AP1G1: variants seen among roughly 807,000 people sequenced by gnomAD.
The protein encoded by AP1G1 is AP-1 complex subunit gamma-1.
AP1G1 carries 7 observed loss-of-function variants against 108.3 expected under a neutral mutation model. That is an observed-to-expected ratio of 0.06 (90% CI 0.04 to 0.12). The LOEUF is 0.12. Ranked by LOEUF, AP1G1 falls within the 10% of genes least tolerant of loss-of-function variation. AP1G1 has a pLI of 1.00. For missense variants in AP1G1, 756 were observed against 1,010.7 expected, an observed-to-expected ratio of 0.75 and a Z score of 3.42; for synonymous variants, 379 against 353.5, an observed-to-expected ratio of 1.07 and a Z score of -0.81.
chr16:71,798,814 G>A (rs1034969020), intron 1 of AP1G1, among the ~76,000 whole-genome samples: 3 of 151,252 alleles, frequency 2.0e-5, no homozygotes, highest in African/African-American at 7.3e-5. Flanking sequence ...CTTGAACCCA[G>A]GAGGCAGAGG....
intron 1 of AP1G1, chr16:71,808,177 G>T: frequency 9.0e-7 from 1 of 1,105,536 alleles, no homozygotes; most frequent in Non-Finnish European, 1.1e-6. Context: ...CAGTATACTC[G>T]CAGGTAGGTT....
In AP1G1 at chr16:71,736,113, AAAAAAT is replaced by A. The variant is rs1261071705; in HGVS notation, c.2269-1412_2269-1407del. ...GACTCCATCTCAAAAAAAAAAAAAAAAAAAATATATATATATATATATATATATATA... is the reference window on the plus strand; with the variant it reads ...GACTCCATCTCAAAAAAAAAAAAAAAATATATATATATATATATATATATA... On this transcript the variant is annotated intron_variant, in intron 21 of 22. Transcript: ENST00000299980. Among the ~76,000 whole-genome samples, 543 of 75,388 alleles carry A rather than the reference AAAAAAT, an allele frequency of 7.2e-3. 1 individual carries two copies. Among genetic ancestry groups the A allele is most frequent in the Middle Eastern group, 0.022 (3 of 136 alleles). The allele number at this position is 75,388 out of a possible 152,430, so 49.5% of individuals were successfully genotyped here.
At chr16:71,735,373 G>C (rs1567638271) in intron 21 of AP1G1, among the ~76,000 whole-genome samples, 1 of 152,180 alleles carries the variant, frequency 6.6e-6, no homozygotes, top group South Asian at 2.1e-4. Flanking sequence ...AATAAGAGTT[G>C]AAAGTGCTGG....
chr16:71,756,904 C>A (rs1451211530), intron 11 of AP1G1, among the ~76,000 whole-genome samples: 1 of 144,788 alleles, frequency 6.9e-6, no homozygotes. Flanking sequence ...GCACTCCAGC[C>A]TCGGAAACAG....
chr16:71,777,222 G>C (rs1415428037), intron 2 of AP1G1, among the ~76,000 whole-genome samples: 3 of 151,564 alleles, frequency 2.0e-5, no homozygotes, highest in African/African-American at 7.3e-5. Flanking sequence ...CTTAGAGGAG[G>C]GGATCTGAGG....
chr16:71,781,823 A>C (rs1390845632), intron 2 of AP1G1, among the ~76,000 whole-genome samples: 3 of 152,198 alleles, frequency 2.0e-5, no homozygotes, highest in African/African-American at 7.2e-5. Flanking sequence ...TGTATACTGG[A>C]AAATTTATCT....
intron 1 of AP1G1, among the ~76,000 whole-genome samples, chr16:71,803,094 A>C (rs564485304): frequency 8.6e-5 from 13 of 151,896 alleles, no homozygotes; most frequent in Non-Finnish European, 1.6e-4. Context: ...GCACGCCTGC[A>C]GTCCCAGCTA....
At chr16:71,790,754 A>G (rs1478046969) in intron 1 of AP1G1, among the ~76,000 whole-genome samples, 1 of 152,226 alleles carries the variant, frequency 6.6e-6, no homozygotes. Context: ...TCACAAACCT[A>G]AAAGTCAAAG....
At chr16:71,756,327 T>G in intron 11 of AP1G1, 168 bp from the exon 12 acceptor site, 1 of 511,510 alleles carries the variant, frequency 2.0e-6, no homozygotes, top group Non-Finnish European at 3.3e-6. Flanking sequence ...GATGTATTCT[T>G]ACATAATCAA....
intron 12 of AP1G1, among the ~76,000 whole-genome samples, chr16:71,754,241 A>C (rs1192956535): frequency 4.0e-5 from 6 of 151,492 alleles, no homozygotes; most frequent in Admixed American, 2.0e-4. Flanking sequence ...AAAGGGAAGA[A>C]AGAGAAGAGA....
At chr16:71,792,305 T>C (rs2032434044) in intron 1 of AP1G1, among the ~76,000 whole-genome samples, 1 of 152,168 alleles carries the variant, frequency 6.6e-6, no homozygotes, top group South Asian at 2.1e-4. Flanking sequence ...ATGTCCCTTT[T>C]GGCATTCTAA....
Position 71,764,578 on chromosome 16 carries a change from T to G in AP1G1, c.819+68A>C, listed in dbSNP as rs1597058918. The stretch of plus-strand genomic sequence containing the variant: ...AAACACAAATAAAAACTGCTCCATA[T>G]AACCATAATCATTCTACTCCCAGCG... On this transcript the variant is annotated intron_variant, in intron 8 of 22. Transcript: ENST00000299980. 7.4e-6 allele frequency: 10 copies of G among 1,351,686 alleles called. No individual in the cohort carries two copies. In the East Asian group the frequency reaches 1.5e-4, roughly 20 times the overall value. The allele number at this position is 1,351,686 out of a possible 1,614,324, so 83.7% of individuals were successfully genotyped here.
chr16:71,805,530 T>C (rs2032969666), intron 1 of AP1G1, among the ~76,000 whole-genome samples: 1 of 152,160 alleles, frequency 6.6e-6, no homozygotes, highest in African/African-American at 2.4e-5. Context: ...ACAGTATTTT[T>C]AAATGTTCTG....
intron 1 of AP1G1, among the ~76,000 whole-genome samples, chr16:71,791,324 GTTTAT>G (rs951243232): frequency 7.3e-5 from 11 of 151,498 alleles, no homozygotes; most frequent in African/African-American, 2.2e-4. Flanking sequence ...ACTTTAAAGA[GTTTAT>G]TTTAAAGTAA....
intron 15 of AP1G1, 52 bp from the exon 16 acceptor site, chr16:71,748,430 G>T: frequency 6.3e-7 from 1 of 1,585,006 alleles, no homozygotes; most frequent in East Asian, 2.2e-5. Context: ...GCATGATTAA[G>T]CATCTAAATC....
intron 17 of AP1G1, 147 bp from the exon 18 acceptor site, chr16:71,745,761 A>G (rs2030140519): frequency 2.7e-6 from 2 of 744,904 alleles, no homozygotes; most frequent in Admixed American, 2.5e-5. Flanking sequence ...GGTAGATTAC[A>G]AGAATACATG....
At position 71,745,562 on chromosome 16, in the gene AP1G1, G is replaced by A; in HGVS notation, c.1783C>T (p.Pro595Ser). 1 of 1,614,126 alleles carries A rather than the reference G, an allele frequency of 6.2e-7. No individual in the cohort carries two copies. Among genetic ancestry groups the A allele is most frequent in the Non-Finnish European group, 8.5e-7 (1 of 1,180,014 alleles). The change falls in exon 18 of 23, where the codon CCT becomes TCT. Residue 595 changes from proline (P) to serine (S), a missense_variant. Pro to Ser is a moderately conservative substitution (Grantham distance 74). Coordinates refer to ENST00000299980, the MANE Select transcript of AP1G1 (RefSeq NM_001128.6). ...PVMEKVTTNG[P>S]TEIVQTNGET... ...CCATTTGTCTGCACAATCTCAGTAG[G>A]GCCATTTGTGGTCACTTTTTCCATG...
In AP1G1 at chr16:71,771,252, C is replaced by T; in HGVS notation, c.469G>A (p.Ala157Thr). Residue 157 changes from alanine to threonine, a missense_variant and splice_region_variant, in exon 5 of 23, where the codon GCA (alanine) becomes ACA (threonine). Ala to Thr is a moderately conservative substitution (Grantham distance 58). Around this residue, in one of 3 missense-constraint regions of AP1G1, gnomAD observed 304 missense variants for 483.6 expected, o/e 0.63. Transcript: ENST00000299980. ...ATGACATGAACAGCACACAGTGCTG[C>T]CTATGAAAAAAAAAATAAAAGAACA... Reference protein sequence around the residue: ...KTSNSYLRKKAALCAVHVIRK... With the variant: ...KTSNSYLRKKTALCAVHVIRK... 1 of 1,526,368 alleles carries T rather than the reference C, an allele frequency of 6.6e-7. No individual in the cohort carries two copies. Among genetic ancestry groups the T allele is most frequent in the Non-Finnish European group, 8.8e-7 (1 of 1,135,292 alleles). The allele number at this position is 1,526,368 out of a possible 1,614,324, so 94.6% of individuals were successfully genotyped here. A position where few individuals can be genotyped will look rare whatever the true frequency, so the allele number is the denominator to read the frequency against.
At chr16:71,755,311 C>A (rs776294811) in intron 12 of AP1G1, among the ~76,000 whole-genome samples, 1 of 152,008 alleles carries the variant, frequency 6.6e-6, no homozygotes, top group Non-Finnish European at 1.5e-5. Context: ...GTGGCGTAAG[C>A]CTATGGTCCC....
Sources: allele counts gnomAD v4.1 joint callset (sites outside exome capture counted in the v4.1 genomes callset), GRCh38; gene constraint gnomAD v4.1.1; regional missense constraint gnomAD v4.1.1; transcripts MANE v1.5; gene names NCBI Gene and HGNC (gene_info 2026-07-23, HGNC 2026-07-21).